SLC9A8: variants seen among roughly 807,000 people sequenced by gnomAD.
SLC9A8 encodes the protein sodium/hydrogen exchanger 8.
SLC9A8 carries 48 observed loss-of-function variants against 66.6 expected under a neutral mutation model. The observed-to-expected ratio is 0.72, with a 90% CI of 0.57 to 0.92. The LOEUF is 0.92. Among genes scored for constraint, SLC9A8 ranks in the 40% least tolerant of loss-of-function variants. The pLI, the probability that SLC9A8 is intolerant of heterozygous loss-of-function variation, is 0.00. For missense variants in SLC9A8, 599 were observed against 747.3 expected, an observed-to-expected ratio of 0.80 and a Z score of 2.31; for synonymous variants, 274 against 282.6, an observed-to-expected ratio of 0.97 and a Z score of 0.31.
chr20:49,844,432 T>C (rs2087893584), intron 4 of SLC9A8, among the ~76,000 whole-genome samples: 3 of 152,212 alleles, frequency 2.0e-5, no homozygotes, highest in Admixed American at 1.3e-4. Flanking sequence ...CTTTCTGTAC[T>C]AAGGAATAAA....
intron 3 of SLC9A8, chr20:49,830,849 G>A: frequency 2.8e-6 from 4 of 1,446,002 alleles, no homozygotes; most frequent in Non-Finnish European, 3.9e-6. Flanking sequence ...TCCTCAATCA[G>A]GGACAGTTGG....
At chr20:49,834,341 A>G (rs1416765044) in intron 3 of SLC9A8, among the ~76,000 whole-genome samples, 1 of 93,374 alleles carries the variant, frequency 1.1e-5, no homozygotes, top group Non-Finnish European at 2.1e-5. Context: ...GTGTATATAT[A>G]TATATACTGT....
chr20:49,843,169 A>G (rs59358126), intron 4 of SLC9A8, among the ~76,000 whole-genome samples: 13,823 of 151,590 alleles, frequency 0.091, 787 homozygotes, highest in African/African-American at 0.16. Flanking sequence ...TAACCCCACT[A>G]TAGGTAGATT....
chr20:49,853,018 G>A (rs550775436), intron 7 of SLC9A8, among the ~76,000 whole-genome samples: 12 of 152,264 alleles, frequency 7.9e-5, no homozygotes, highest in African/African-American at 1.9e-4. Context: ...TAAGATGGAC[G>A]TTGCCCCAAC....
rs1568856492 is a variant in SLC9A8, at chr20:49,864,935, CAA to C, written c.958+92_958+93del. 3 of 819,420 alleles carry C rather than the reference CAA, an allele frequency of 3.7e-6. No homozygotes were observed. In the African/African-American group the frequency reaches 5.0e-5, roughly 14 times the overall value. 50.8% of individuals were successfully genotyped at this position (819,420 alleles called of 1,614,324 possible). Reference sequence around the variant, plus strand: ...TTGTCAGTTGGGTCACTTTTAGTCACAAGAGACAGTCACAACTCAGAAGAGCT... The same window carrying C: ...TTGTCAGTTGGGTCACTTTTAGTCACGAGACAGTCACAACTCAGAAGAGCT... On this transcript the variant is annotated intron_variant, in intron 10 of 15. Transcript: ENST00000361573.
At chr20:49,884,199 G>GAGAC (rs2089737405) in intron 14 of SLC9A8, 133 bp downstream of exon 14, 1 of 280,270 alleles carries the variant, frequency 3.6e-6, no homozygotes, top group African/African-American at 6.1e-5. Flanking sequence ...CCACACACAC[G>GAGAC]ACACACACAC....
chr20:49,861,865 C>T (rs956915159), intron 8 of SLC9A8, among the ~76,000 whole-genome samples: 1 of 152,102 alleles, frequency 6.6e-6, no homozygotes, highest in Non-Finnish European at 1.5e-5. Context: ...CCTAAATCCT[C>T]CCTCTCAGCC....
intron 3 of SLC9A8, among the ~76,000 whole-genome samples, chr20:49,837,012 C>T (rs1476199022): frequency 6.6e-6 from 1 of 152,192 alleles, no homozygotes; most frequent in Admixed American, 6.5e-5. Context: ...ACCTCCCTCT[C>T]AATTTGTACA....
At chr20:49,882,216 C>T (rs967816273) in intron 13 of SLC9A8, among the ~76,000 whole-genome samples, 4 of 152,210 alleles carry the variant, frequency 2.6e-5, no homozygotes, top group Admixed American at 6.5e-5. Flanking sequence ...CAGACCCTTG[C>T]GAGTGAGCCG....
chr20:49,880,738 G>A (rs1011613240), intron 12 of SLC9A8, among the ~76,000 whole-genome samples, 186 bp from the exon 13 acceptor site: 11 of 152,158 alleles, frequency 7.2e-5, no homozygotes, highest in Non-Finnish European at 1.3e-4. Flanking sequence ...ATAGAATCCC[G>A]CAGCTGTGGC....
chr20:49,880,533 G>T (rs1311435652), intron 12 of SLC9A8, among the ~76,000 whole-genome samples: 1 of 152,164 alleles, frequency 6.6e-6, no homozygotes, highest in African/African-American at 2.4e-5. Context: ...TATGATCAAT[G>T]CAGCCCTGTC....
intron 5 of SLC9A8, among the ~76,000 whole-genome samples, chr20:49,845,893 G>A (rs1310292895): frequency 1.3e-5 from 2 of 152,012 alleles, no homozygotes; most frequent in African/African-American, 4.8e-5. Flanking sequence ...GGAGTCCTGT[G>A]GCATGATCTC....
intron 2 of SLC9A8, among the ~76,000 whole-genome samples, chr20:49,818,554 G>A (rs957678913): frequency 8.4e-5 from 12 of 142,054 alleles, no homozygotes; most frequent in Non-Finnish European, 1.8e-4. Flanking sequence ...GCAGTGGCAT[G>A]ATCTCACCTC....
chr20:49,884,341 CCG>C (rs1474808772), intron 14 of SLC9A8, among the ~76,000 whole-genome samples: 1 of 145,390 alleles, frequency 6.9e-6, no homozygotes, highest in African/African-American at 2.6e-5. Context: ...CACACACCCC[CCG>C]GTCATCCCCC....
chr20:49,856,770 C>T (rs1420312009), intron 8 of SLC9A8, among the ~76,000 whole-genome samples: 4 of 147,940 alleles, frequency 2.7e-5, no homozygotes, highest in African/African-American at 7.6e-5. Flanking sequence ...TGCAGTGAGC[C>T]GAGATCACAC....
chr20:49,864,806 A>G lies in SLC9A8; in HGVS notation c.920A>G (p.Tyr307Cys). The change falls in exon 10 of 16, where the codon TAT (tyrosine) becomes TGT (cysteine). Residue 307 changes from tyrosine (Y) to cysteine (C), a missense_variant. By Grantham distance (194) the Tyr-to-Cys change is radical. Transcript: ENST00000361573. ...LEFGMMIIFA[Y>C]LPYGLAEGIS... ...TTTGGCATGATGATCATTTTTGCTT[A>G]TCTGCCTTATGGGCTTGCAGAAGGA... is the stretch of plus-strand genomic sequence containing the variant. 6.2e-7 allele frequency: 1 copy of G among 1,614,082 alleles called. No homozygotes were observed. Among genetic ancestry groups the G allele is most frequent in the African/African-American group, 1.3e-5 (1 of 75,052 alleles).
chr20:49,812,958 C>CT lies in SLC9A8; in HGVS notation c.26+15dup. ...AGATGGCGGAAGAGGAGTGAGTGGG[C>CT]TTTTTCCCGGGCGGCGGAGGCGGCG... On this transcript the variant is annotated intron_variant, in intron 1 of 15. Coordinates refer to ENST00000361573, the MANE Select transcript of SLC9A8 (RefSeq NM_015266.3). 2 of 1,418,438 alleles carry CT rather than the reference C, an allele frequency of 1.4e-6. No homozygotes were observed. Among genetic ancestry groups the CT allele is most frequent in the Admixed American group, 3.2e-5 (1 of 31,084 alleles). 87.9% of individuals were successfully genotyped at this position (1,418,438 alleles called of 1,614,324 possible).
intron 11 of SLC9A8, 44 bp downstream of exon 11, chr20:49,874,865 C>T: frequency 7.7e-7 from 1 of 1,291,206 alleles, no homozygotes; most frequent in Non-Finnish European, 1.1e-6. Context: ...CCACCCAGAG[C>T]TGATCTTGCT....
chr20:49,838,566 A>G (rs889361202), intron 3 of SLC9A8, among the ~76,000 whole-genome samples: 1 of 152,146 alleles, frequency 6.6e-6, no homozygotes, highest in Non-Finnish European at 1.5e-5. Flanking sequence ...ACCTGAAACT[A>G]CCCACCCTGA....
Sources: allele counts gnomAD v4.1 joint callset (sites outside exome capture counted in the v4.1 genomes callset), GRCh38; gene constraint gnomAD v4.1.1; transcripts MANE v1.5; gene names NCBI Gene and HGNC (gene_info 2026-07-23, HGNC 2026-07-21).